GABRA3: variants seen among roughly 807,000 people sequenced by gnomAD.
GABRA3 encodes gamma-aminobutyric acid type A receptor subunit alpha3.
Under a neutral mutation model 30.1 loss-of-function variants are expected in GABRA3, and 10 were observed. That is an observed-to-expected ratio of 0.33 (90% confidence interval 0.20 to 0.56). GABRA3 has a LOEUF of 0.56. Ranked by LOEUF, GABRA3 falls within the 20% of genes least tolerant of loss-of-function variation. GABRA3 has a pLI of 0.89. For missense variants in GABRA3, 233 were observed against 392.0 expected, an observed-to-expected ratio of 0.59 and a Z score of 3.42; for synonymous variants, 151 against 146.8, an observed-to-expected ratio of 1.03 and a Z score of -0.21.
chrX:152,305,695 T>C (rs1006201467), intron 3 of GABRA3, among the ~76,000 whole-genome samples: 2 of 111,654 alleles, frequency 1.8e-5, no homozygotes, highest in African/African-American at 6.5e-5. Flanking sequence ...TTAGTGATGA[T>C]TATATACCAC....
At chrX:152,196,249 T>C (rs1227916709) in intron 8 of GABRA3, among the ~76,000 whole-genome samples, 1 of 86,232 alleles carries the variant, frequency 1.2e-5, no homozygotes, top group African/African-American at 4.5e-5. Flanking sequence ...AAAAAAAAAA[T>C]AGCCAGGCGT....
intron 1 of GABRA3, among the ~76,000 whole-genome samples, chrX:152,404,118 A>T (rs896634610): frequency 2.7e-5 from 3 of 111,676 alleles, no homozygotes; most frequent in Admixed American, 9.5e-5. Context: ...CACAAAGAGT[A>T]AGGATGGAAA....
intron 1 of GABRA3, among the ~76,000 whole-genome samples, chrX:152,438,623 T>C (rs1930838544): frequency 8.9e-6 from 1 of 112,343 alleles, no homozygotes; most frequent in African/African-American, 3.2e-5. Context: ...ATCCACACAA[T>C]TGAATATTAT....
chrX:152,334,567 C>T (rs1459633815), intron 3 of GABRA3, among the ~76,000 whole-genome samples: 1 of 111,172 alleles, frequency 9.0e-6, no homozygotes, highest in Non-Finnish European at 1.9e-5. Context: ...ATTATTTTTC[C>T]TTTCTGTGAA....
At chrX:152,387,064 G>A (rs771070546) in intron 1 of GABRA3, among the ~76,000 whole-genome samples, 6 of 104,650 alleles carry the variant, frequency 5.7e-5, no homozygotes, top group Admixed American at 2.1e-4. Flanking sequence ...ATCAAACACC[G>A]CATATTCTCA....
At chrX:152,417,759 G>T (rs1476793321) in intron 1 of GABRA3, among the ~76,000 whole-genome samples, 1 of 100,073 alleles carries the variant, frequency 1.0e-5, no homozygotes, top group African/African-American at 3.7e-5. Flanking sequence ...ATCATTCTCA[G>T]TAAACTATCA....
At chrX:152,382,236 C>T (rs767992985) in intron 1 of GABRA3, among the ~76,000 whole-genome samples, 126 of 112,314 alleles carry the variant, frequency 1.1e-3, no homozygotes, top group African/African-American at 3.9e-3. Context: ...GAGATACCAT[C>T]TCACACCAGT....
At chrX:152,184,969 C>T (rs1359685898) in intron 9 of GABRA3, among the ~76,000 whole-genome samples, 1 of 111,321 alleles carries the variant, frequency 9.0e-6, no homozygotes, top group East Asian at 2.8e-4. Context: ...AATGTTTCCT[C>T]TCACATTTTA....
chrX:152,237,131 C>A (rs1324148964), intron 5 of GABRA3, among the ~76,000 whole-genome samples: 2 of 111,273 alleles, frequency 1.8e-5, no homozygotes, highest in South Asian at 7.6e-4. Context: ...GGTTTTAGGT[C>A]TAACGTTTAA....
intron 3 of GABRA3, among the ~76,000 whole-genome samples, chrX:152,338,332 T>C (rs1350489728): frequency 8.9e-6 from 1 of 112,514 alleles, no homozygotes; most frequent in Non-Finnish European, 1.9e-5. Context: ...GTATGTCTTC[T>C]TCTGAGAAAT....
chrX:152,360,747 A>T (rs1928472477), intron 2 of GABRA3, among the ~76,000 whole-genome samples: 1 of 80,097 alleles, frequency 1.2e-5, no homozygotes, highest in African/African-American at 5.4e-5. Flanking sequence ...ATTAAAAAAA[A>T]AAATAAATTA....
chrX:152,297,818 C>T (rs1422439168), intron 3 of GABRA3, among the ~76,000 whole-genome samples: 1 of 112,321 alleles, frequency 8.9e-6, no homozygotes, highest in East Asian at 2.8e-4. Context: ...ATAAAACATT[C>T]GAGAGCAGAC....
intron 9 of GABRA3, among the ~76,000 whole-genome samples, chrX:152,172,192 C>G (rs185297165): frequency 8.9e-6 from 1 of 111,802 alleles, no homozygotes; most frequent in East Asian, 2.8e-4. Flanking sequence ...AAATGGCCAA[C>G]AATCACATGA....
At chrX:152,260,454 G>C in intron 4 of GABRA3, among the ~76,000 whole-genome samples, 1 of 110,896 alleles carries the variant, frequency 9.0e-6, no homozygotes, top group Non-Finnish European at 1.9e-5. Context: ...GCTGGGTTCA[G>C]GTCTGACCCA....
chrX:152,291,962 T>C (rs925338735), intron 3 of GABRA3, among the ~76,000 whole-genome samples: 8 of 111,855 alleles, frequency 7.2e-5, no homozygotes, highest in African/African-American at 2.6e-4. Flanking sequence ...ATCAGGGATA[T>C]TGGTTTAAAA....
chrX:152,203,684 TG>T (rs1462443044), intron 7 of GABRA3, among the ~76,000 whole-genome samples: 1 of 111,801 alleles, frequency 8.9e-6, no homozygotes, highest in African/African-American at 3.3e-5. Context: ...TTGGCTTCTC[TG>T]GGTAGTCCAC....
intron 4 of GABRA3, among the ~76,000 whole-genome samples, chrX:152,277,484 T>G (rs187895582): frequency 1.1e-3 from 123 of 111,345 alleles, no homozygotes; most frequent in Admixed American, 2.6e-3. Context: ...CCCCCCTGAT[T>G]ATCCACTGTA....
intron 5 of GABRA3, among the ~76,000 whole-genome samples, chrX:152,241,427 TTAAGTC>T (rs1223550240): frequency 1.9e-5 from 2 of 105,204 alleles, no homozygotes; most frequent in African/African-American, 6.7e-5. Flanking sequence ...ACAGGGACAC[TTAAGTC>T]TGCAGAGGTT....
chrX:152,440,170 T>A (rs767641313), intron 1 of GABRA3, among the ~76,000 whole-genome samples: 1 of 111,633 alleles, frequency 9.0e-6, no homozygotes, highest in African/African-American at 3.3e-5. Context: ...CTTAAACAAA[T>A]CTACAAGAAA....
Sources: gnomAD v4.1 joint callset for allele counts (sites outside exome capture counted in the v4.1 genomes callset) on GRCh38, gnomAD v4.1.1 for gene constraint, MANE v1.5 for transcripts, NCBI Gene and HGNC (gene_info 2026-07-23, HGNC 2026-07-21) for gene names.